Variants in GLB1 observed in about 807,000 individuals in gnomAD.
The protein encoded by GLB1 is galactosidase beta 1.
GLB1 carries 56 observed loss-of-function variants against 74.0 expected under a neutral mutation model. The ratio of observed to expected loss-of-function variants is 0.76; its 90% CI spans 0.61 to 0.94. The LOEUF (loss-of-function observed/expected upper bound fraction) is 0.94, where lower values mean the gene tolerates loss of function less well. GLB1 is among the 40% of genes least tolerant of loss of function. The pLI is 0.00. For missense variants in GLB1, 787 were observed against 845.5 expected (o/e 0.93, Z 0.86); for synonymous variants, 323 against 323.6 (o/e 1.00, Z 0.02).
downstream of GLB1, among the ~76,000 whole-genome samples, chr3:32,995,127 T>C (rs937190302): frequency 6.6e-6 from 1 of 152,112 alleles, no homozygotes; most frequent in Non-Finnish European, 1.5e-5. Context: ...AATGGACTTA[T>C]TGCTATTTGA....
chr3:33,077,476 A>AG, intron 1 of GLB1: 3 of 724,568 alleles, frequency 4.1e-6, no homozygotes, highest in Non-Finnish European at 6.7e-6. Context: ...AACAGCAGTC[A>AG]GGGGGTGTCT....
chr3:33,081,047 C>T (rs896114385), intron 1 of GLB1, among the ~76,000 whole-genome samples: 3 of 152,118 alleles, frequency 2.0e-5, no homozygotes, highest in African/African-American at 7.2e-5. Context: ...ACCCCTGGAG[C>T]GGGGCAGAGG....
chr3:33,004,341 C>G (rs1453095033), intron 15 of GLB1, among the ~76,000 whole-genome samples: 1 of 152,206 alleles, frequency 6.6e-6, no homozygotes, highest in African/African-American at 2.4e-5. Flanking sequence ...ACTACTTGGT[C>G]TGCCAATACT....
chr3:32,980,930 A>G, the GLB1 span, among the ~76,000 whole-genome samples: 1 of 151,812 alleles, frequency 6.6e-6, no homozygotes, highest in Non-Finnish European at 1.5e-5. Context: ...ATCTCTACTA[A>G]AAATACAAAA....
rs143806621 is a variant in GLB1 at position 33,022,096 on chromosome 3, C to T, written c.1144-441G>A. ...TATATCACCTTAATATTTAATACTT[C>T]CTAGTTACTTCACCCTCCTCTGAAC... On this transcript the variant is annotated intron_variant, in intron 11 of 15. Coordinates refer to ENST00000307363, the MANE Select transcript of GLB1 (RefSeq NM_000404.4). 2.4e-3 allele frequency among the ~76,000 whole-genome samples: 363 copies of T among 152,228 alleles called. 3 individuals are homozygous for T. The highest frequency in any genetic ancestry group is 8.3e-3 in the African/African-American group (346 of 41,540).
the GLB1 span, among the ~76,000 whole-genome samples, chr3:32,969,038 G>T: frequency 6.6e-6 from 1 of 152,216 alleles, no homozygotes; most frequent in East Asian, 1.9e-4. Context: ...CTTCATTGCT[G>T]TGTGGATGTG....
chr3:32,982,874 A>G, the GLB1 span, among the ~76,000 whole-genome samples: 1 of 152,128 alleles, frequency 6.6e-6, no homozygotes, highest in Non-Finnish European at 1.5e-5. Flanking sequence ...TTTTCACTGG[A>G]TATGGAATTC....
At chr3:33,028,385 G>C (rs1697861679) in intron 10 of GLB1, among the ~76,000 whole-genome samples, 1 of 151,868 alleles carries the variant, frequency 6.6e-6, no homozygotes, top group African/African-American at 2.4e-5. Flanking sequence ...TTCTCTCCTA[G>C]TTATCTTTGT....
At chr3:33,010,846 TTTTG>T (rs960689958) in intron 15 of GLB1, among the ~76,000 whole-genome samples, 12 of 152,108 alleles carry the variant, frequency 7.9e-5, no homozygotes, top group Admixed American at 1.3e-4. Context: ...AGCATACTTT[TTTTG>T]TTTGTTTGTT....
At chr3:33,022,280 A>G (rs13078515) in intron 11 of GLB1, among the ~76,000 whole-genome samples, 53,637 of 151,940 alleles carry the variant, frequency 0.35, 9,792 homozygotes, top group East Asian at 0.48. Context: ...TATATTCAAT[A>G]CAAAGGATTG....
intron 6 of GLB1, among the ~76,000 whole-genome samples, chr3:33,055,946 G>C (rs1423561687): frequency 6.6e-6 from 1 of 151,788 alleles, no homozygotes; most frequent in Non-Finnish European, 1.5e-5. Flanking sequence ...TGTGACTACA[G>C]ACCGGGCGCG....
intron 10 of GLB1, among the ~76,000 whole-genome samples, chr3:33,033,696 G>A (rs990343069): frequency 2.0e-5 from 3 of 151,086 alleles, no homozygotes; most frequent in East Asian, 2.0e-4. Flanking sequence ...CAGGAGAATC[G>A]CTTGAACCTG....
At chr3:33,003,763 C>T (rs920594940) in intron 15 of GLB1, among the ~76,000 whole-genome samples, 2 of 152,218 alleles carry the variant, frequency 1.3e-5, no homozygotes, top group East Asian at 1.9e-4. Context: ...GGCATGGTGG[C>T]TCACTCCTGT....
chr3:33,096,317 C>A, intron 1 of GLB1: 1 of 908,560 alleles, frequency 1.1e-6, no homozygotes, highest in Non-Finnish European at 1.3e-6. Flanking sequence ...CTCCCACCAA[C>A]TGTGCACGCC....
At position 33,046,369 on chromosome 3, in the gene GLB1, G is replaced by A. The variant is rs570628027; in HGVS notation, c.956-137C>T. The A allele has an allele frequency of 1.2e-5, 12 of 984,264 alleles. No individual in the cohort carries two copies. In the African/African-American group the frequency reaches 1.3e-4, roughly 11 times the overall value. The allele number at this position is 984,264 out of a possible 1,614,324, so 61.0% of individuals were successfully genotyped here. On this transcript the variant is annotated intron_variant, in intron 9 of 15. Transcript: ENST00000307363. ...AAACCACTTGTTGGGAGACACAGACGTGACCCTCAGGATGCAACGTTTAGA... is the reference window on the plus strand; with the variant it reads ...AAACCACTTGTTGGGAGACACAGACATGACCCTCAGGATGCAACGTTTAGA...
chr3:33,011,459 C>A (rs1422751493), intron 15 of GLB1, among the ~76,000 whole-genome samples: 46 of 141,956 alleles, frequency 3.2e-4, no homozygotes, highest in African/African-American at 1.2e-3. Context: ...AAAAAAAAAA[C>A]AAAAAATAAA....
the GLB1 span, among the ~76,000 whole-genome samples, chr3:32,969,352 G>GA: frequency 1.3e-5 from 2 of 151,974 alleles, no homozygotes; most frequent in South Asian, 2.1e-4. Flanking sequence ...TATTTATAAA[G>GA]AAAAAAAGAC....
downstream of GLB1, among the ~76,000 whole-genome samples, chr3:32,994,312 A>G (rs1332107109): frequency 6.6e-6 from 1 of 152,228 alleles, no homozygotes; most frequent in East Asian, 1.9e-4. Flanking sequence ...GAGAGATCAG[A>G]CACAAATGAC....
At chr3:33,076,334 G>A (rs942407538) in intron 1 of GLB1, among the ~76,000 whole-genome samples, 8 of 152,246 alleles carry the variant, frequency 5.3e-5, no homozygotes, top group African/African-American at 1.7e-4. Context: ...CAGCTGCTGA[G>A]GCAGAGGAGG....
Sources: gnomAD v4.1 joint callset for allele counts (sites outside exome capture counted in the v4.1 genomes callset) on GRCh38, gnomAD v4.1.1 for gene constraint, MANE v1.5 for transcripts, NCBI Gene and HGNC (gene_info 2026-07-23, HGNC 2026-07-21) for gene names.